Variants in TTYH2 observed in about 807,000 individuals in gnomAD.
The protein encoded by TTYH2 is protein tweety homolog 2.
A neutral mutation model predicts 68.3 loss-of-function variants in TTYH2; 49 were observed. The observed-to-expected ratio is 0.72, with a 90% CI of 0.57 to 0.91. TTYH2 has a LOEUF of 0.91. TTYH2 is among the 40% of genes least tolerant of loss of function. The pLI, the probability that TTYH2 is intolerant of heterozygous loss-of-function variation, is 0.00. For synonymous variants in TTYH2, 272 were observed against 300.8 expected, an observed-to-expected ratio of 0.90 and a Z score of 0.99; for missense variants, 631 against 700.4, an observed-to-expected ratio of 0.90 and a Z score of 1.12.
chr17:74,228,700 G>T (rs747119057), intron 2 of TTYH2, among the ~76,000 whole-genome samples: 20 of 151,560 alleles, frequency 1.3e-4, no homozygotes, highest in Non-Finnish European at 2.5e-4. Flanking sequence ...AAGATCAGTG[G>T]GGGGCGGGGG....
At chr17:74,252,716 G>A (rs1427748340) in intron 11 of TTYH2, among the ~76,000 whole-genome samples, 1 of 152,242 alleles carries the variant, frequency 6.6e-6, no homozygotes, top group Non-Finnish European at 1.5e-5. Context: ...GGTGCCCCAG[G>A]AATAGCAAGA....
chr17:74,234,172 G>A (rs1217613428), intron 3 of TTYH2, among the ~76,000 whole-genome samples: 1 of 152,212 alleles, frequency 6.6e-6, no homozygotes, highest in East Asian at 1.9e-4. Context: ...CGGTCCTGGG[G>A]CAGGGCTGAG....
At chr17:74,219,028 G>A (rs182977072) in intron 1 of TTYH2, among the ~76,000 whole-genome samples, 4 of 152,230 alleles carry the variant, frequency 2.6e-5, no homozygotes, top group South Asian at 2.1e-4. Flanking sequence ...TCAGGAGTTC[G>A]AGACCAGCCT....
chr17:74,231,835 G>C (rs1226875203), intron 3 of TTYH2, among the ~76,000 whole-genome samples: 1 of 152,170 alleles, frequency 6.6e-6, no homozygotes, highest in Non-Finnish European at 1.5e-5. Flanking sequence ...CAGACTCTTA[G>C]GGGAAGGGGA....
chr17:74,230,806 A>G (rs877583), intron 2 of TTYH2, 82 bp from the exon 3 acceptor site: 350,314 of 1,440,294 alleles, frequency 0.24, 46,335 homozygotes, highest in African/African-American at 0.47. Flanking sequence ...CACCGCACCC[A>G]ACCCTAAGCT....
chr17:74,253,679 G>A, intron 12 of TTYH2, 76 bp from the exon 13 acceptor site: 1 of 1,462,260 alleles, frequency 6.8e-7, no homozygotes, highest in Non-Finnish European at 9.6e-7. Context: ...CTCACCCATG[G>A]GACCCTCCTG....
chr17:74,253,008 G>A, intron 11 of TTYH2, 73 bp from the exon 12 acceptor site: 1 of 1,522,646 alleles, frequency 6.6e-7, no homozygotes, highest in African/African-American at 1.4e-5. Flanking sequence ...AGGCAGGGAA[G>A]TAGGACAGGA....
At chr17:74,260,084 T>C (rs1017517508) in intron 13 of TTYH2, 45 bp from the exon 14 acceptor site, 10 of 1,580,794 alleles carry the variant, frequency 6.3e-6, no homozygotes, top group Non-Finnish European at 8.7e-7. Flanking sequence ...GGTGCAGTGC[T>C]TGGCTGACTC....
intron 2 of TTYH2, among the ~76,000 whole-genome samples, chr17:74,226,468 C>G (rs1226113036): frequency 6.6e-6 from 1 of 152,138 alleles, no homozygotes; most frequent in Admixed American, 6.5e-5. Context: ...GGGAAAAACC[C>G]TTGGGTTAAG....
chr17:74,242,326 C>T (rs1236406102), intron 4 of TTYH2, among the ~76,000 whole-genome samples: 2 of 152,188 alleles, frequency 1.3e-5, no homozygotes, highest in African/African-American at 4.8e-5. Flanking sequence ...AGCCCACTCA[C>T]CTGGGTATCC....
chr17:74,243,326 C>A, intron 4 of TTYH2, 48 bp from the exon 5 acceptor site: 2 of 1,531,146 alleles, frequency 1.3e-6, no homozygotes, highest in South Asian at 1.1e-5. Context: ...GCCAGCAGGT[C>A]AGAAGTTCCA....
chr17:74,236,521 T>C lies in TTYH2; in HGVS notation c.415-773T>C, dbSNP rs140491172. Among the ~76,000 whole-genome samples, 489 of 152,352 alleles carry C rather than the reference T, an allele frequency of 3.2e-3. 3 individuals carry two copies. The highest frequency in any genetic ancestry group is 0.011 in the African/African-American group (470 of 41,586). ...TGTCTCTGTATATAGTAAGGTATAG[T>C]AATGAATGCATACGTTTATTCCAGC... On this transcript the variant is annotated intron_variant, in intron 3 of 13. Coordinates refer to ENST00000269346, the MANE Select transcript of TTYH2 (RefSeq NM_032646.6).
chr17:74,245,367 C>A (rs1024797473), intron 6 of TTYH2, among the ~76,000 whole-genome samples: 1 of 152,268 alleles, frequency 6.6e-6, no homozygotes, highest in Non-Finnish European at 1.5e-5. Context: ...TCCAGCCTCT[C>A]CTCTGGGGCC....
intron 2 of TTYH2, among the ~76,000 whole-genome samples, chr17:74,223,481 C>T (rs187179585): frequency 5.3e-5 from 8 of 152,078 alleles, no homozygotes; most frequent in African/African-American, 1.4e-4. Flanking sequence ...ATTGCTCCCC[C>T]CTCAGCTTCC....
chr17:74,214,625 G>A lies in TTYH2; in HGVS notation c.129+909G>A, dbSNP rs1299873222. Among the ~76,000 whole-genome samples the A allele has an allele frequency of 6.6e-6, 1 of 152,178 alleles. No homozygotes were observed. The highest frequency in any genetic ancestry group is 2.4e-5 in the African/African-American group (1 of 41,446). On this transcript the variant is annotated intron_variant, in intron 1 of 13. Transcript: ENST00000269346. This position sits in a 1 kb window ranked among gnomAD's most constrained non-coding sequence, Gnocchi z 4.6. ...CCTCCCTGCCCAGACAAACAAAGCT[G>A]CAGAATCTCCCAGCCCGTCTCAGGT... is the stretch of plus-strand genomic sequence containing the variant.
At chr17:74,253,633 A>G in intron 12 of TTYH2, 122 bp from the exon 13 acceptor site, 2 of 906,490 alleles carry the variant, frequency 2.2e-6, no homozygotes, top group South Asian at 2.9e-5. Context: ...CCTCCACTCT[A>G]TCTGTGGTTT....
chr17:74,217,129 G>A lies in TTYH2; in HGVS notation c.129+3413G>A, dbSNP rs141423455. Among the ~76,000 whole-genome samples the A allele has an allele frequency of 9.0e-3, 1,374 of 152,282 alleles. 17 individuals are homozygous for A. Among genetic ancestry groups the A allele is most frequent in the African/African-American group, 0.031 (1,272 of 41,546 alleles). On this transcript the variant is annotated intron_variant, in intron 1 of 13. Transcript: ENST00000269346. This position sits in a 1 kb window ranked among gnomAD's most constrained non-coding sequence, Gnocchi z 4.0. ...CATCACCATCCAGCCAGCCCCTCAG[G>A]GGAGACCAGACACTGATGAGCTCAG...
chr17:74,215,698 T>G lies in TTYH2; in HGVS notation c.129+1982T>G. The G allele has an allele frequency of 6.5e-7, 1 of 1,533,730 alleles. No individual in the cohort carries two copies. The highest frequency in any genetic ancestry group is 2.4e-5 in the East Asian group (1 of 40,918). ...GTCTGGCTCTGGGTGTTATTTAAGG[T>G]GGCTCCTGTTTTTGGTAAGTTCCCC... On this transcript the variant is annotated intron_variant, in intron 1 of 13. Transcript: ENST00000269346. The surrounding 1 kb of genome is among the most constrained non-coding windows in gnomAD (Gnocchi z 4.3).
intron 6 of TTYH2, chr17:74,247,849 G>A (rs534079280): frequency 1.8e-4 from 28 of 152,478 alleles, no homozygotes; most frequent in African/African-American, 6.0e-4. Context: ...GCGTGCGTGC[G>A]TGCATGCGTG....
Sources: gnomAD v4.1 joint callset for allele counts (sites outside exome capture counted in the v4.1 genomes callset) on GRCh38, gnomAD v4.1.1 for gene constraint, Gnocchi (gnomAD v3.1) non-coding constraint, MANE v1.5 for transcripts, NCBI Gene and HGNC (gene_info 2026-07-23, HGNC 2026-07-21) for gene names.